The following NRG3 variants were observed in gnomAD, a reference collection of about 807,000 sequenced individuals.
NRG3 encodes pro-neuregulin-3, membrane-bound isoform.
Under a neutral mutation model 66.9 loss-of-function variants are expected in NRG3, and 31 were observed. The ratio of observed to expected loss-of-function variants is 0.46; its 90% CI spans 0.35 to 0.63. The LOEUF is 0.63. Ranked by LOEUF, NRG3 falls within the 20% of genes least tolerant of loss-of-function variation. NRG3 has a pLI of 0.00. For synonymous variants in NRG3, 393 were observed against 359.4 expected, an observed-to-expected ratio of 1.09 and a Z score of -1.06; for missense variants, 910 against 878.9, an observed-to-expected ratio of 1.04 and a Z score of -0.45.
chr10:82,921,199 T>C (rs1440899599), intron 4 of NRG3, among the ~76,000 whole-genome samples: 1 of 152,152 alleles, frequency 6.6e-6, no homozygotes, highest in East Asian at 1.9e-4. Context: ...CTCTCAGAAA[T>C]AAATTACCCT....
chr10:82,389,531 C>T (rs993748673), intron 2 of NRG3, among the ~76,000 whole-genome samples: 1 of 152,158 alleles, frequency 6.6e-6, no homozygotes, highest in Non-Finnish European at 1.5e-5. Context: ...CATATATTTT[C>T]AACGGCCAGC....
intron 4 of NRG3, among the ~76,000 whole-genome samples, chr10:82,872,045 T>C (rs1240655652): frequency 6.6e-6 from 1 of 152,142 alleles, no homozygotes; most frequent in Admixed American, 6.5e-5. Flanking sequence ...TAGGTATAGA[T>C]ATTTTGTAGA....
At chr10:82,698,464 A>C (rs2055574653) in intron 2 of NRG3, among the ~76,000 whole-genome samples, 1 of 152,178 alleles carries the variant, frequency 6.6e-6, no homozygotes, top group African/African-American at 2.4e-5. Context: ...ACCATGATAA[A>C]ATAACTTACA....
chr10:82,513,426 T>G (rs979501631), intron 2 of NRG3, among the ~76,000 whole-genome samples: 1 of 152,240 alleles, frequency 6.6e-6, no homozygotes, highest in Non-Finnish European at 1.5e-5. Flanking sequence ...TATGCGTGCA[T>G]GTATCTGTAT....
chr10:82,889,070 G>T (rs1842940631), intron 4 of NRG3, among the ~76,000 whole-genome samples: 2 of 152,244 alleles, frequency 1.3e-5, no homozygotes, highest in South Asian at 2.1e-4. Context: ...GAAGTGGGGA[G>T]CCCTTGGAGG....
rs185961746 is a variant in NRG3 at position 82,811,722 on chromosome 10, C to A, written c.1028-53689C>A. Among the ~76,000 whole-genome samples the A allele has an allele frequency of 2.0e-5, 3 of 152,146 alleles. No homozygotes were observed. In the East Asian group the frequency reaches 5.8e-4, roughly 29 times the overall value. On this transcript the variant is annotated intron_variant, in intron 3 of 8. Transcript: ENST00000372141. ...ATAAAACTGTGAACATTAATAGGCC[C>A]GTATTTCAACACCTGCCTGGACTGA... is the stretch of plus-strand genomic sequence containing the variant.
rs556337613 is a variant in NRG3, at chr10:81,963,699, T to G, written c.823+87536T>G. 2.6e-5 allele frequency among the ~76,000 whole-genome samples: 4 copies of G among 152,312 alleles called. No individual in the cohort carries two copies. The South Asian group carries it at 8.3e-4, about 32-fold the overall frequency. ...TACACGACGGGACACACGTCCACTT[T>G]CATGATGCAGTGCTAAGGGTTGCTC... On this transcript the variant is annotated intron_variant, in intron 1 of 8. Transcript: ENST00000372141.
intron 1 of NRG3, among the ~76,000 whole-genome samples, chr10:82,093,592 C>T (rs1329541586): frequency 2.0e-5 from 3 of 152,286 alleles, no homozygotes; most frequent in South Asian, 2.1e-4. Context: ...ACTCATTGCT[C>T]ATATGCCAGG....
intron 1 of NRG3, among the ~76,000 whole-genome samples, chr10:82,058,965 G>T (rs1009602809): frequency 6.6e-6 from 1 of 152,142 alleles, no homozygotes; most frequent in African/African-American, 2.4e-5. Context: ...TGTGGGGAAT[G>T]GTGGAGAAGG....
chr10:82,179,639 A>T (rs529739860), intron 1 of NRG3, among the ~76,000 whole-genome samples: 5 of 151,792 alleles, frequency 3.3e-5, no homozygotes, highest in Admixed American at 6.6e-5. Context: ...TTTTTTTATT[A>T]CTGTAGCTTT....
At chr10:82,537,919 G>A (rs2043271447) in intron 2 of NRG3, among the ~76,000 whole-genome samples, 1 of 152,128 alleles carries the variant, frequency 6.6e-6, no homozygotes, top group Non-Finnish European at 1.5e-5. Flanking sequence ...AAAATGAGAA[G>A]CAGCAGTGTT....
intron 1 of NRG3, among the ~76,000 whole-genome samples, chr10:82,210,143 TAA>T: frequency 6.6e-6 from 1 of 152,274 alleles, no homozygotes; most frequent in African/African-American, 2.4e-5. Context: ...AGGCTCTGCA[TAA>T]ATGAATTTAT....
Position 82,986,477 on chromosome 10 carries a change from T to A in NRG3, c.*872T>A, listed in dbSNP as rs1407176392. 1 of 152,210 alleles carries A rather than the reference T, an allele frequency of 6.6e-6. No homozygotes were observed. Among genetic ancestry groups the A allele is most frequent in the Non-Finnish European group, 1.5e-5 (1 of 68,034 alleles). 9.4% of individuals were successfully genotyped at this position (152,210 alleles called of 1,614,324 possible). A position where few individuals can be genotyped will look rare whatever the true frequency, so the allele number is the denominator to read the frequency against. Reference sequence around the variant, plus strand: ...GTATGTGTGTGCATGTGTGCGCGTATTACGCTTGCTAAAATTTGTTCTGAA... The same window carrying A: ...GTATGTGTGTGCATGTGTGCGCGTAATACGCTTGCTAAAATTTGTTCTGAA... On this transcript the variant is annotated 3_prime_UTR_variant, in exon 9 of 9. Coordinates refer to ENST00000372141, the MANE Select transcript of NRG3 (RefSeq NM_001010848.4).
chr10:82,303,573 T>C (rs1426367049), intron 1 of NRG3, among the ~76,000 whole-genome samples: 1 of 152,120 alleles, frequency 6.6e-6, no homozygotes, highest in Admixed American at 6.6e-5. Context: ...TGAGTATAAA[T>C]GCGCTGGGTA....
At chr10:82,467,112 G>C (rs965784974) in intron 2 of NRG3, among the ~76,000 whole-genome samples, 3 of 152,228 alleles carry the variant, frequency 2.0e-5, no homozygotes, top group African/African-American at 7.2e-5. Context: ...AATCAAATGA[G>C]ACAGCATGTG....
At chr10:82,786,250 T>G (rs117773059) in intron 3 of NRG3, among the ~76,000 whole-genome samples, 2 of 152,190 alleles carry the variant, frequency 1.3e-5, no homozygotes, top group Non-Finnish European at 2.9e-5. Flanking sequence ...TTAGTGCTGC[T>G]GGGTGGACTG....
At chr10:82,918,820 T>C (rs988628120) in intron 4 of NRG3, among the ~76,000 whole-genome samples, 2 of 152,200 alleles carry the variant, frequency 1.3e-5, no homozygotes, top group Non-Finnish European at 2.9e-5. Flanking sequence ...AAGAAAAATC[T>C]CCCAGTCCTT....
At chr10:82,033,650 G>T (rs1211869533) in intron 1 of NRG3, among the ~76,000 whole-genome samples, 1 of 152,112 alleles carries the variant, frequency 6.6e-6, no homozygotes, top group Non-Finnish European at 1.5e-5. Flanking sequence ...GAATCAAGTA[G>T]TGATGGATGT....
chr10:82,649,381 G>A (rs1348725594), intron 2 of NRG3, among the ~76,000 whole-genome samples: 1 of 151,770 alleles, frequency 6.6e-6, no homozygotes. Flanking sequence ...GAGCTTTAGG[G>A]GCCTATAAGC....
Sources: allele counts gnomAD v4.1 joint callset (sites outside exome capture counted in the v4.1 genomes callset), GRCh38; gene constraint gnomAD v4.1.1; transcripts MANE v1.5; gene names NCBI Gene and HGNC (gene_info 2026-07-23, HGNC 2026-07-21).